Variants in AFAP1 observed in about 807,000 individuals in gnomAD.
AFAP1 encodes the protein actin filament associated protein 1.
AFAP1 carries 75 observed loss-of-function variants against 93.9 expected under a neutral mutation model. The ratio of observed to expected loss-of-function variants is 0.80; its 90% CI spans 0.66 to 0.97. The LOEUF (loss-of-function observed/expected upper bound fraction) is 0.97, where lower values mean the gene tolerates loss of function less well. Ranked by LOEUF, AFAP1 falls within the 50% of genes least tolerant of loss-of-function variation. The probability of loss-of-function intolerance (pLI) is 0.00; values close to 1 mark genes in which losing one functional copy is unlikely to be tolerated. For missense variants in AFAP1, 1,201 were observed against 1,050.8 expected, an observed-to-expected ratio of 1.14 and a Z score of -1.98; for synonymous variants, 517 against 430.7, an observed-to-expected ratio of 1.20 and a Z score of -2.48.
intron 1 of AFAP1, among the ~76,000 whole-genome samples, chr4:7,898,812 T>A (rs76791901): frequency 2.1e-4 from 26 of 123,438 alleles, no homozygotes; most frequent in Admixed American, 5.4e-4. Flanking sequence ...AGTAGAAGTG[T>A]GTGTGTGTGT....
intron 12 of AFAP1, among the ~76,000 whole-genome samples, chr4:7,782,601 CTG>C (rs1178040532): frequency 2.2e-4 from 33 of 152,210 alleles, no homozygotes; most frequent in Non-Finnish European, 4.3e-4. Context: ...AACTCAAAAA[CTG>C]ATAACCACAG....
intron 16 of AFAP1, among the ~76,000 whole-genome samples, chr4:7,771,534 ATGTT>A (rs1271420984): frequency 6.6e-6 from 1 of 152,226 alleles, no homozygotes; most frequent in Non-Finnish European, 1.5e-5. Context: ...ATGCATGTGT[ATGTT>A]TGGGAAGATG....
chr4:7,793,332 T>C (rs948172138), intron 11 of AFAP1, among the ~76,000 whole-genome samples: 1 of 152,244 alleles, frequency 6.6e-6, no homozygotes, highest in Admixed American at 6.5e-5. Context: ...CGGCCTGTTT[T>C]TGCAAATAAA....
chr4:7,790,849 A>G (rs958033843), intron 11 of AFAP1, among the ~76,000 whole-genome samples: 2 of 152,174 alleles, frequency 1.3e-5, no homozygotes, highest in African/African-American at 2.4e-5. Context: ...AACAGTGTGC[A>G]CTGTAGAAAA....
chr4:7,823,476 T>C (rs190500910), intron 6 of AFAP1, among the ~76,000 whole-genome samples: 102 of 152,172 alleles, frequency 6.7e-4, no homozygotes, highest in Non-Finnish European at 1.0e-3. Context: ...ATAAAAGCCA[T>C]CTGGCACATA....
In AFAP1 at chr4:7,764,900, G is replaced by GT. The variant is rs1246084500; in HGVS notation, c.2419-1110dup. Among the ~76,000 whole-genome samples, 4 of 152,326 alleles carry GT rather than the reference G, an allele frequency of 2.6e-5. No individual in the cohort carries two copies. The Middle Eastern group carries it at 0.01, about 389-fold the overall frequency. ...GTGGGAGGATTGTGTGATGCCAGGA[G>GT]TTTAAGACCAGCCTGAGCAACTTAG... On this transcript the variant is annotated intron_variant, in intron 17 of 17. Transcript: ENST00000420658.
chr4:7,809,987 T>C (rs533974126), intron 8 of AFAP1, among the ~76,000 whole-genome samples: 20 of 151,982 alleles, frequency 1.3e-4, no homozygotes, highest in African/African-American at 4.6e-4. Context: ...GCCTCCGGAG[T>C]AGCTGGGACC....
chr4:7,767,627 C>G (rs1324437054), intron 17 of AFAP1, among the ~76,000 whole-genome samples: 1 of 152,142 alleles, frequency 6.6e-6, no homozygotes, highest in Non-Finnish European at 1.5e-5. Flanking sequence ...GTACACGGAT[C>G]TGCTATGGAG....
At chr4:7,800,371 C>G in intron 10 of AFAP1, 71 bp downstream of exon 10, 1 of 1,502,260 alleles carries the variant, frequency 6.7e-7, no homozygotes, top group Non-Finnish European at 9.1e-7. Flanking sequence ...GAGGAGTCAG[C>G]ATTCGCCTTT....
chr4:7,774,964 C>A, intron 14 of AFAP1, 61 bp from the exon 15 acceptor site: 1 of 1,568,774 alleles, frequency 6.4e-7, no homozygotes, highest in Non-Finnish European at 8.6e-7. Context: ...AAATATGGGA[C>A]GATCCCTTCT....
chr4:7,767,995 G>A (rs982513736), intron 17 of AFAP1, among the ~76,000 whole-genome samples: 1 of 152,254 alleles, frequency 6.6e-6, no homozygotes, highest in African/African-American at 2.4e-5. Context: ...AGGATCACCT[G>A]AGCCCAGGAG....
chr4:7,822,586 CTTTTTTTTTTTTT>C (rs5855982), intron 6 of AFAP1, among the ~76,000 whole-genome samples: 2 of 132,572 alleles, frequency 1.5e-5, no homozygotes, highest in Non-Finnish European at 3.1e-5. Context: ...TTTCTTTTTT[CTTTTTTTTTTTTT>C]TTTGAGACAG....
rs572926200 is a variant in AFAP1, at chr4:7,844,669, G to A, written c.335-1319C>T. On this transcript the variant is annotated intron_variant, in intron 4 of 17. Coordinates refer to ENST00000420658, the MANE Select transcript of AFAP1 (RefSeq NM_001134647.2). ...GGCAAGTGCCCAAATAACTGTAGAA[G>A]GAAGCGCGTTAAATGTCTTTAAATT... Among the ~76,000 whole-genome samples, 15 of 152,336 alleles carry A rather than the reference G, an allele frequency of 9.8e-5. No individual in the cohort carries two copies. In the South Asian group the frequency reaches 2.9e-3, roughly 30 times the overall value.
At chr4:7,784,646 C>T (rs979637730) in intron 12 of AFAP1, among the ~76,000 whole-genome samples, 1 of 152,116 alleles carries the variant, frequency 6.6e-6, no homozygotes, top group Non-Finnish European at 1.5e-5. Context: ...AGGTCCAGAG[C>T]AGCAGGAAGG....
intron 11 of AFAP1, 58 bp downstream of exon 11, chr4:7,793,623 G>A (rs762683245): frequency 1.6e-4 from 229 of 1,412,218 alleles, no homozygotes; most frequent in Non-Finnish European, 2.0e-4. Context: ...GTTAAGCTAA[G>A]TTAGGGAAAA....
chr4:7,769,583 T>A (rs574167205), intron 16 of AFAP1, among the ~76,000 whole-genome samples: 3 of 152,002 alleles, frequency 2.0e-5, no homozygotes, highest in East Asian at 3.9e-4. Context: ...GAACAACATG[T>A]GTCCTGAGCT....
intron 6 of AFAP1, among the ~76,000 whole-genome samples, chr4:7,833,338 A>C (rs1450365612): frequency 1.3e-5 from 2 of 152,204 alleles, no homozygotes; most frequent in African/African-American, 4.8e-5. Context: ...AAGTGGGCTA[A>C]GGACATGAAC....
rs191447817 is a variant in AFAP1 at position 7,882,697 on chromosome 4, A to T, written c.-2-10617T>A. Among the ~76,000 whole-genome samples, 7 of 152,234 alleles carry T rather than the reference A, an allele frequency of 4.6e-5. No homozygotes were observed. The East Asian group carries it at 1.4e-3, about 29-fold the overall frequency. ...AACATGGCGAAACCCTGTCTCTACTAAAAATACAAAAATTAGCAGGGCGTG... is the reference window on the plus strand; with the variant it reads ...AACATGGCGAAACCCTGTCTCTACTTAAAATACAAAAATTAGCAGGGCGTG... On this transcript the variant is annotated intron_variant, in intron 1 of 17. Transcript: ENST00000420658.
chr4:7,793,986 C>T (rs572248216), intron 10 of AFAP1, among the ~76,000 whole-genome samples, 160 bp from the exon 11 acceptor site: 25 of 152,308 alleles, frequency 1.6e-4, no homozygotes, highest in South Asian at 6.2e-4. Context: ...ATTAACGTCA[C>T]GTTCGCAGCA....
Sources: gnomAD v4.1 joint callset for allele counts (sites outside exome capture counted in the v4.1 genomes callset) on GRCh38, gnomAD v4.1.1 for gene constraint, MANE v1.5 for transcripts, NCBI Gene and HGNC (gene_info 2026-07-23, HGNC 2026-07-21) for gene names.